The following RNF17 variants were observed in gnomAD, a reference collection of about 807,000 sequenced individuals.
The protein encoded by RNF17 is ring finger protein 17.
Under a neutral mutation model 200.5 loss-of-function variants are expected in RNF17, and 31 were observed. The observed-to-expected ratio is 0.15, with a 90% CI of 0.12 to 0.21. RNF17 has a LOEUF of 0.21. Among genes scored for constraint, RNF17 ranks in the 10% least tolerant of loss-of-function variants. The pLI, the probability that RNF17 is intolerant of heterozygous loss-of-function variation, is 1.00. For missense variants in RNF17, 1,628 were observed against 1,905.1 expected (o/e 0.85, Z 2.71); for synonymous variants, 606 against 637.8 (o/e 0.95, Z 0.75).
chr13:24,775,789 A>C (rs1265234424), intron 3 of RNF17, among the ~76,000 whole-genome samples: 1 of 152,178 alleles, frequency 6.6e-6, no homozygotes, highest in East Asian at 1.9e-4. Context: ...TATTTCACTT[A>C]ATTACTAATG....
chr13:24,804,104 C>T (rs962341303), intron 14 of RNF17, among the ~76,000 whole-genome samples, 184 bp from the exon 15 acceptor site: 1 of 152,008 alleles, frequency 6.6e-6, no homozygotes, highest in Non-Finnish European at 1.5e-5. Context: ...GACCCTGTCT[C>T]TACAAAAATT....
intron 15 of RNF17, among the ~76,000 whole-genome samples, chr13:24,812,687 T>TCCCCCC (rs1566168476): frequency 4.8e-4 from 12 of 24,772 alleles, no homozygotes; most frequent in South Asian, 2.7e-3. Flanking sequence ...CCACCCCCTT[T>TCCCCCC]TTTTTTTTTT....
At chr13:24,883,339 A>ATTAT, downstream of RNF17, 1 of 1,613,362 alleles carries the variant, frequency 6.2e-7, no homozygotes, top group Non-Finnish European at 8.5e-7. Flanking sequence ...CTCTTTGGCC[A>ATTAT]TTATTAAACT....
intron 10 of RNF17, among the ~76,000 whole-genome samples, chr13:24,793,865 A>G (rs544527870): frequency 1.4e-4 from 22 of 152,318 alleles, no homozygotes; most frequent in African/African-American, 5.3e-4. Flanking sequence ...GTTTTATACT[A>G]ATAGTCTCCT....
intron 15 of RNF17, 118 bp downstream of exon 15, chr13:24,804,547 T>G: frequency 1.5e-6 from 1 of 664,610 alleles, no homozygotes; most frequent in Non-Finnish European, 2.4e-6. Flanking sequence ...ACTGTTAACC[T>G]TCTATACGTT....
chr13:24,858,255 G>A (rs1367886541), intron 25 of RNF17, among the ~76,000 whole-genome samples: 19 of 152,074 alleles, frequency 1.2e-4, no homozygotes, highest in Non-Finnish European at 8.8e-5. Context: ...AAAAAATAAC[G>A]TTTGAGACCT....
chr13:24,828,967 C>G (rs1355183556), intron 16 of RNF17, among the ~76,000 whole-genome samples: 10 of 151,294 alleles, frequency 6.6e-5, no homozygotes, highest in Non-Finnish European at 1.2e-4. Context: ...TGCCACCACG[C>G]CTGGCTAATT....
chr13:24,886,026 A>G, the RNF17 span: 2 of 376,132 alleles, frequency 5.3e-6, no homozygotes, highest in South Asian at 4.4e-5. Flanking sequence ...CTGGGTATTT[A>G]GTTAAAACAT....
At chr13:24,763,660 C>T (rs144190983), upstream of RNF17, among the ~76,000 whole-genome samples, 13 of 152,270 alleles carry the variant, frequency 8.5e-5, no homozygotes, top group African/African-American at 2.6e-4. Flanking sequence ...CCCAACCACT[C>T]TTGGCACGCT....
the RNF17 span, among the ~76,000 whole-genome samples, chr13:24,757,537 T>C: frequency 6.6e-6 from 1 of 152,114 alleles, no homozygotes. Flanking sequence ...TTAGCCAGGC[T>C]GGTCTCGAAT....
At chr13:24,748,676 T>TTTTCCAACAA in the RNF17 span, among the ~76,000 whole-genome samples, 58 of 152,298 alleles carry the variant, frequency 3.8e-4, no homozygotes, top group African/African-American at 1.3e-3. Flanking sequence ...CAACAAGCTG[T>TTTTCCAACAA]GCCAAGGGTT....
At chr13:24,755,700 G>C in the RNF17 span, among the ~76,000 whole-genome samples, 1 of 152,096 alleles carries the variant, frequency 6.6e-6, no homozygotes, top group African/African-American at 2.4e-5. Context: ...CTAGACTTTG[G>C]ACAAGGTGTT....
intron 32 of RNF17, among the ~76,000 whole-genome samples, chr13:24,872,585 C>A (rs1369935121): frequency 1.3e-5 from 2 of 152,004 alleles, no homozygotes; most frequent in Non-Finnish European, 2.9e-5. Flanking sequence ...GTTAGGAATA[C>A]AAACATCAGT....
chr13:24,764,371 C>T (rs1879233871), intron 1 of RNF17, 38 bp downstream of exon 1: 1 of 1,534,800 alleles, frequency 6.5e-7, no homozygotes, highest in African/African-American at 1.4e-5. Context: ...GGGAGGCAGC[C>T]TGGAGGGAGC....
chr13:24,757,774 C>T, the RNF17 span, among the ~76,000 whole-genome samples: 1 of 152,040 alleles, frequency 6.6e-6, no homozygotes, highest in African/African-American at 2.4e-5. Flanking sequence ...TCTGTATTTC[C>T]TCTTCTCCAC....
chr13:24,842,049 G>A lies in RNF17; in HGVS notation c.2491G>A (p.Glu831Lys). The change falls in exon 19 of 36, where the codon GAA becomes AAA. Residue 831 changes from glutamate to lysine, a missense_variant. By Grantham distance (56) the Glu-to-Lys change is moderately conservative. Around this residue, in one of 5 missense-constraint regions of RNF17, gnomAD observed 227 missense variants for 319.8 expected, o/e 0.71. Transcript: ENST00000255324. Reference protein sequence around the residue: ...FMTCSVIKILEDNVLLVELFD... With the variant: ...FMTCSVIKILKDNVLLVELFD... ...TCTTAATGGTTTTACAGAAATTCTG[G>A]AAGATAATGTGCTCTTAGTTGAGCT... 10 of 1,604,218 alleles carry A rather than the reference G, an allele frequency of 6.2e-6. No individual in the cohort carries two copies. The highest frequency in any genetic ancestry group is 8.5e-6 in the Non-Finnish European group (10 of 1,176,766).
intron 10 of RNF17, chr13:24,794,033 C>A: frequency 3.0e-6 from 1 of 333,888 alleles, no homozygotes; most frequent in South Asian, 2.3e-5. Flanking sequence ...TAACTTTATT[C>A]ATTGATACAA....
At chr13:24,760,954 A>T (rs540991130), upstream of RNF17, among the ~76,000 whole-genome samples, 9 of 152,138 alleles carry the variant, frequency 5.9e-5, no homozygotes, top group South Asian at 1.2e-3. Flanking sequence ...AGATTATTTA[A>T]AAAAAAAGAC....
rs189875561 is a variant in RNF17 at position 24,863,782 on chromosome 13, A to T, written c.3975+989A>T. 4.6e-5 allele frequency among the ~76,000 whole-genome samples: 7 copies of T among 152,298 alleles called. No individual in the cohort carries two copies. In the East Asian group the frequency reaches 1.4e-3, roughly 29 times the overall value. On this transcript the variant is annotated intron_variant, in intron 28 of 35. Coordinates refer to ENST00000255324, the MANE Select transcript of RNF17 (RefSeq NM_031277.3). ...CTTCTTCGCTTAATTGACACAGAAGAATAGCTTGTGGTATAGCAAAGGCTG... is the reference window on the plus strand; with the variant it reads ...CTTCTTCGCTTAATTGACACAGAAGTATAGCTTGTGGTATAGCAAAGGCTG...
Sources: allele counts gnomAD v4.1 joint callset (sites outside exome capture counted in the v4.1 genomes callset), GRCh38; gene constraint gnomAD v4.1.1; regional missense constraint gnomAD v4.1.1; transcripts MANE v1.5; gene names NCBI Gene and HGNC (gene_info 2026-07-23, HGNC 2026-07-21).